The following GRM8 variants were observed in gnomAD, a reference collection of about 807,000 sequenced individuals.
GRM8 encodes metabotropic glutamate receptor 8.
Under a neutral mutation model 87.2 loss-of-function variants are expected in GRM8, and 47 were observed. The ratio of observed to expected loss-of-function variants is 0.54; its 90% CI spans 0.43 to 0.69. GRM8 has a LOEUF of 0.69. Among genes scored for constraint, GRM8 ranks in the 30% least tolerant of loss-of-function variants. The pLI is 0.00. For synonymous variants in GRM8, 396 were observed against 404.5 expected, an observed-to-expected ratio of 0.98 and a Z score of 0.25; for missense variants, 1,019 against 1,139.2, an observed-to-expected ratio of 0.89 and a Z score of 1.52.
intron 8 of GRM8, among the ~76,000 whole-genome samples, chr7:126,548,159 C>T (rs1310362824): frequency 6.6e-6 from 1 of 151,834 alleles, no homozygotes; most frequent in African/African-American, 2.4e-5. Flanking sequence ...CACACTGGGG[C>T]CTGTCGTGGG....
intron 2 of GRM8, among the ~76,000 whole-genome samples, chr7:127,127,105 C>T (rs1289047661): frequency 1.3e-5 from 2 of 151,980 alleles, no homozygotes; most frequent in African/African-American, 4.8e-5. Flanking sequence ...CTTAAACTCT[C>T]CTACATTGCA....
chr7:127,036,774 AG>A, intron 3 of GRM8, among the ~76,000 whole-genome samples: 1 of 152,258 alleles, frequency 6.6e-6, no homozygotes, highest in East Asian at 1.9e-4. Context: ...GTCTGGTTTT[AG>A]TACTAAGGAC....
At chr7:126,501,693 C>T (rs1300195927) in intron 9 of GRM8, among the ~76,000 whole-genome samples, 1 of 152,010 alleles carries the variant, frequency 6.6e-6, no homozygotes, top group Non-Finnish European at 1.5e-5. Context: ...ACTTAGCTAA[C>T]TCTTCAAGAG....
chr7:127,044,029 G>T (rs1818692722), intron 3 of GRM8, among the ~76,000 whole-genome samples: 1 of 152,184 alleles, frequency 6.6e-6, no homozygotes, highest in Non-Finnish European at 1.5e-5. Flanking sequence ...CTCAAGTCTT[G>T]CTTAATCCCT....
chr7:127,207,866 A>G (rs1796000472), intron 2 of GRM8, among the ~76,000 whole-genome samples: 1 of 152,214 alleles, frequency 6.6e-6, no homozygotes, highest in Non-Finnish European at 1.5e-5. Context: ...CATGCCAGGC[A>G]AGGGTTAAGT....
At chr7:127,189,481 TC>T in intron 2 of GRM8, among the ~76,000 whole-genome samples, 1 of 152,312 alleles carries the variant, frequency 6.6e-6, no homozygotes, top group Admixed American at 6.5e-5. Context: ...TCAGCACATA[TC>T]CCCAAATTGA....
At chr7:127,001,934 AAGAT>A (rs1813768982) in intron 3 of GRM8, among the ~76,000 whole-genome samples, 1 of 151,722 alleles carries the variant, frequency 6.6e-6, no homozygotes, top group African/African-American at 2.4e-5. Context: ...TGAGCAAAAA[AAGAT>A]AGGCACACTG....
At position 126,672,511 on chromosome 7, in the gene GRM8, G is replaced by C. The variant is rs530810230; in HGVS notation, c.1358-63013C>G. Among the ~76,000 whole-genome samples, 3 of 152,182 alleles carry C rather than the reference G, an allele frequency of 2.0e-5. No homozygotes were observed. In the South Asian group the frequency reaches 6.2e-4, roughly 32 times the overall value. On this transcript the variant is annotated intron_variant, in intron 7 of 10. Coordinates refer to ENST00000339582, the MANE Select transcript of GRM8 (RefSeq NM_000845.3). ...TCCTCTGGTCTCTCTTCACAAATAG[G>C]TAATCATGTCTCTGTACTATTAGAC...
At chr7:126,913,997 C>G (rs567883905) in intron 3 of GRM8, among the ~76,000 whole-genome samples, 2 of 152,200 alleles carry the variant, frequency 1.3e-5, no homozygotes, top group African/African-American at 4.8e-5. Context: ...CTATCAAATG[C>G]CATGTGGAAT....
intron 6 of GRM8, among the ~76,000 whole-genome samples, chr7:126,793,538 G>C (rs1687799687): frequency 6.6e-6 from 1 of 152,156 alleles, no homozygotes; most frequent in Non-Finnish European, 1.5e-5. Context: ...ACTGTAAAGA[G>C]TTATATAAAC....
chr7:126,567,598 A>G (rs1017220069), intron 8 of GRM8, among the ~76,000 whole-genome samples: 7 of 152,146 alleles, frequency 4.6e-5, no homozygotes, highest in African/African-American at 9.7e-5. Flanking sequence ...AGTGTTTTTA[A>G]TTATAATACA....
intron 3 of GRM8, among the ~76,000 whole-genome samples, chr7:127,075,024 G>T (rs1822113411): frequency 6.6e-6 from 1 of 152,172 alleles, no homozygotes. Context: ...CATTCTCAGA[G>T]TTATAGGTGT....
chr7:126,559,064 T>C (rs1793431413), intron 8 of GRM8, among the ~76,000 whole-genome samples: 1 of 151,580 alleles, frequency 6.6e-6, no homozygotes, highest in Non-Finnish European at 1.5e-5. Flanking sequence ...GTAATGTGCA[T>C]AGGGAAATGG....
At chr7:126,830,152 A>T (rs1173910726) in intron 6 of GRM8, among the ~76,000 whole-genome samples, 1 of 151,942 alleles carries the variant, frequency 6.6e-6, no homozygotes, top group Non-Finnish European at 1.5e-5. Context: ...CCTTCATTTC[A>T]ACTTTGGTGA....
chr7:126,575,390 T>C (rs1407500546), intron 8 of GRM8, among the ~76,000 whole-genome samples: 1 of 151,904 alleles, frequency 6.6e-6, no homozygotes, highest in Non-Finnish European at 1.5e-5. Flanking sequence ...GTGAGTTGTA[T>C]AATTATTTCA....
chr7:126,912,555 C>T (rs879512691), intron 3 of GRM8, among the ~76,000 whole-genome samples: 5 of 152,120 alleles, frequency 3.3e-5, no homozygotes, highest in South Asian at 2.1e-4. Context: ...GAACCCTGAC[C>T]AATACAATGA....
chr7:126,763,071 C>T (rs2151581949), intron 7 of GRM8, among the ~76,000 whole-genome samples: 1 of 150,600 alleles, frequency 6.6e-6, no homozygotes, highest in Non-Finnish European at 1.5e-5. Context: ...TCATGTGGCT[C>T]TTTTAATGTT....
intron 6 of GRM8, among the ~76,000 whole-genome samples, chr7:126,845,199 G>A (rs191983882): frequency 6.6e-6 from 1 of 152,172 alleles, no homozygotes; most frequent in South Asian, 2.1e-4. Context: ...AACTTTAAGG[G>A]CTGCCTTATA....
intron 3 of GRM8, among the ~76,000 whole-genome samples, chr7:127,091,169 T>C (rs1260859903): frequency 1.3e-5 from 2 of 152,076 alleles, no homozygotes; most frequent in African/African-American, 4.8e-5. Flanking sequence ...GGTCCCTGAA[T>C]TCTACTTGGC....
Sources: gnomAD v4.1 joint callset for allele counts (sites outside exome capture counted in the v4.1 genomes callset) on GRCh38, gnomAD v4.1.1 for gene constraint, MANE v1.5 for transcripts, NCBI Gene and HGNC (gene_info 2026-07-23, HGNC 2026-07-21) for gene names.